DMXL1: variants seen among roughly 807,000 people sequenced by gnomAD.
The protein encoded by DMXL1 is dmX-like protein 1.
In DMXL1, 99 loss-of-function variants were observed where a neutral mutation model predicts 319.2. That is an observed-to-expected ratio of 0.31 (90% CI 0.26 to 0.37). DMXL1 has a LOEUF of 0.37. DMXL1 is among the 10% of genes least tolerant of loss of function. The pLI is 1.00. For missense variants in DMXL1, 3,745 were observed against 3,595.6 expected (o/e 1.04, Z -1.06); for synonymous variants, 1,385 against 1,235.2 (o/e 1.12, Z -2.54).
chr5:119,177,030 A>G (rs745668806), intron 26 of DMXL1, among the ~76,000 whole-genome samples: 22 of 152,282 alleles, frequency 1.4e-4, no homozygotes, highest in Non-Finnish European at 3.1e-4. Flanking sequence ...ATTATACATG[A>G]AAGTGAGCCT....
intron 1 of DMXL1, among the ~76,000 whole-genome samples, chr5:119,097,609 C>T (rs1756276263): frequency 6.6e-6 from 1 of 152,052 alleles, no homozygotes; most frequent in Non-Finnish European, 1.5e-5. Flanking sequence ...CTCAGCTACT[C>T]AGGAAATTGA....
intron 30 of DMXL1, among the ~76,000 whole-genome samples, chr5:119,194,596 A>C (rs1779283170): frequency 6.6e-6 from 1 of 152,236 alleles, no homozygotes; most frequent in Admixed American, 6.5e-5. Flanking sequence ...AAGTAAATAT[A>C]TGAGGGACAT....
At chr5:119,114,689 G>T in intron 6 of DMXL1, 148 bp downstream of exon 6, 1 of 637,404 alleles carries the variant, frequency 1.6e-6, no homozygotes, top group Middle Eastern at 4.5e-4. Context: ...TTTGTTTTGT[G>T]ATGGAGACTC....
chr5:119,155,471 G>A lies in DMXL1; in HGVS notation c.4702+3435G>A, dbSNP rs76036087. On this transcript the variant is annotated intron_variant, in intron 19 of 43. Transcript: ENST00000539542. ...CAGTAGAGGAAGTAATTGCAGATAC[G>A]GTAGAAATAGCAGGGGAACTAGAAT... is the stretch of plus-strand genomic sequence containing the variant. Among the ~76,000 whole-genome samples, 1,210 of 152,236 alleles carry A rather than the reference G, an allele frequency of 7.9e-3. 4 individuals carry two copies. The highest frequency in any genetic ancestry group is 0.013 in the Non-Finnish European group (874 of 67,994).
intron 30 of DMXL1, among the ~76,000 whole-genome samples, chr5:119,195,750 A>C (rs1033449501): frequency 6.6e-6 from 1 of 152,210 alleles, no homozygotes; most frequent in Non-Finnish European, 1.5e-5. Flanking sequence ...TTTACCATTA[A>C]AAAATTACTA....
At chr5:119,227,957 A>G (rs528989837) in intron 38 of DMXL1, among the ~76,000 whole-genome samples, 1 of 152,234 alleles carries the variant, frequency 6.6e-6, no homozygotes, top group African/African-American at 2.4e-5. Flanking sequence ...TACTTTGCCA[A>G]ATTTCCATAA....
rs1292615653 is a variant in DMXL1 at position 119,071,288 on chromosome 5, G to A, written c.-282G>A. ...TCGGCCCCGGGTCGTGGCCGGTGAG[G>A]GGACCCTGAGCTTCACCTGGGCTAG... is the stretch of plus-strand genomic sequence containing the variant. On this transcript the variant is annotated 5_prime_UTR_variant, in exon 1 of 44. Transcript: ENST00000539542. The A allele has an allele frequency of 4.6e-6, 2 of 438,924 alleles. No homozygotes were observed. The highest frequency in any genetic ancestry group is 1.0e-4 in the East Asian group (2 of 19,740). The allele number at this position is 438,924 out of a possible 1,614,324, so 27.2% of individuals were successfully genotyped here.
intron 27 of DMXL1, 87 bp from the exon 28 acceptor site, chr5:119,177,909 T>G: frequency 8.0e-7 from 1 of 1,257,344 alleles, no homozygotes; most frequent in Non-Finnish European, 1.1e-6. Context: ...TGCAATACAT[T>G]TTTTCCTGAA....
rs1055643484 is a variant in DMXL1 at position 119,148,833 on chromosome 5, C to T, written c.3006C>T (p.Cys1002=). 2 of 1,613,686 alleles carry T rather than the reference C, an allele frequency of 1.2e-6. No homozygotes were observed. The highest frequency in any genetic ancestry group is 2.2e-5 in the East Asian group (1 of 44,856). ...ATGAGAAAGTAAGATTCTGGAGATG[C>T]AGAGTAACAGATGGAGAATCTGCCA... ...CSDEKVRFWR[C]RVTDGESATS... The change falls in exon 18 of 44, where the codon TGC becomes TGT. Residue 1002 remains cysteine (C), a synonymous_variant. Transcript: ENST00000539542.
chr5:119,164,383 A>C lies in DMXL1; in HGVS notation c.4703-124A>C, dbSNP rs554207822. ...AAAACTTAAAAAAGCCCATATTTCCAATCTTAAACTGTGAGTCTCATAGAA... is the reference window on the plus strand; with the variant it reads ...AAAACTTAAAAAAGCCCATATTTCCCATCTTAAACTGTGAGTCTCATAGAA... On this transcript the variant is annotated intron_variant, in intron 19 of 43. Coordinates refer to ENST00000539542, the MANE Select transcript of DMXL1 (RefSeq NM_001290321.3). The C allele has an allele frequency of 1.4e-5, 12 of 855,162 alleles. No individual in the cohort carries two copies. The East Asian group carries it at 3.3e-4, about 24-fold the overall frequency. 53.0% of individuals were successfully genotyped at this position (855,162 alleles called of 1,614,324 possible).
Position 119,171,953 on chromosome 5 carries a change from A to G in DMXL1, c.6665A>G (p.Asp2222Gly). The G allele has an allele frequency of 6.2e-7, 1 of 1,612,002 alleles. No individual in the cohort carries two copies. The highest frequency in any genetic ancestry group is 8.5e-7 in the Non-Finnish European group (1 of 1,179,034). Residue 2222 changes from aspartate (D) to glycine (G), a missense_variant, in exon 25 of 44, where the codon GAT becomes GGT. Physicochemically the swap from Asp to Gly is moderately conservative, Grantham distance 94. Transcript: ENST00000539542. ...AACTTTGATTCACCACCCCACCCTG[A>G]TATCCAAAGCAATAAAGTAAGTATG... The part of the protein sequence containing the change: ...IINFDSPPHP[D>G]IQSNKVYVMH...
chr5:119,085,945 A>G (rs1355652158), intron 1 of DMXL1, among the ~76,000 whole-genome samples: 2 of 152,150 alleles, frequency 1.3e-5, no homozygotes, highest in African/African-American at 2.4e-5. Flanking sequence ...AAACTATCAT[A>G]TGGTTTTTGT....
At chr5:119,167,909 T>C in intron 23 of DMXL1, 45 bp downstream of exon 23, 1 of 1,567,114 alleles carries the variant, frequency 6.4e-7, no homozygotes, top group Non-Finnish European at 8.7e-7. Context: ...ATATTATTGG[T>C]AATTGCTACA....
chr5:119,083,519 G>A (rs1202772156), intron 1 of DMXL1, among the ~76,000 whole-genome samples: 2 of 152,026 alleles, frequency 1.3e-5, no homozygotes, highest in Non-Finnish European at 2.9e-5. Flanking sequence ...TGGAATTGCT[G>A]GATCATACGG....
intron 9 of DMXL1, among the ~76,000 whole-genome samples, chr5:119,123,376 A>AGAGGAGGGAGAGGAG (rs1185731486): frequency 2.3e-5 from 1 of 43,012 alleles, no homozygotes; most frequent in Non-Finnish European, 4.2e-5. Flanking sequence ...AGGGAGAGGG[A>AGAGGAGGGAGAGGAG]GAGGGAGAGG....
At position 119,149,687 on chromosome 5, in the gene DMXL1, C is replaced by T. The variant is rs374157785; in HGVS notation, c.3860C>T (p.Thr1287Ile). 8.1e-6 allele frequency: 13 copies of T among 1,613,864 alleles called. No individual in the cohort carries two copies. Among genetic ancestry groups the T allele is most frequent in the Non-Finnish European group, 1.1e-5 (13 of 1,179,936 alleles). Residue 1287 changes from threonine (T) to isoleucine (I), a missense_variant, in exon 18 of 44, where the codon ACC (threonine) becomes ATC (isoleucine). Transcript: ENST00000539542. Reference protein sequence around the residue: ...PPKKTLTRSMTSLAQKICGKK... With the variant: ...PPKKTLTRSMISLAQKICGKK... ...AAGAAAACTCTGACTCGATCCATGA[C>T]CAGTCTTGCACAGAAAATCTGTGGA...
chr5:119,164,721 A>G, intron 20 of DMXL1, 45 bp downstream of exon 20: 1 of 1,507,564 alleles, frequency 6.6e-7, no homozygotes, highest in Non-Finnish European at 9.0e-7. Flanking sequence ...TATTTTTTGG[A>G]CGTTTCTTTA....
intron 25 of DMXL1, among the ~76,000 whole-genome samples, chr5:119,174,503 C>T (rs377367191): frequency 2.6e-5 from 4 of 152,316 alleles, no homozygotes; most frequent in East Asian, 3.9e-4. Context: ...ATTCATACTA[C>T]GTTTTATTGA....
At chr5:119,236,697 G>A (rs929529426) in intron 39 of DMXL1, 1 of 151,840 alleles carries the variant, frequency 6.6e-6, no homozygotes. Flanking sequence ...AGGAGGGTGG[G>A]AGTACAAAGC....
Sources: gnomAD v4.1 joint callset for allele counts (sites outside exome capture counted in the v4.1 genomes callset) on GRCh38, gnomAD v4.1.1 for gene constraint, MANE v1.5 for transcripts, NCBI Gene and HGNC (gene_info 2026-07-23, HGNC 2026-07-21) for gene names.